Variants in DYNC1I1 observed in about 807,000 individuals in gnomAD.
DYNC1I1 encodes dynein cytoplasmic 1 intermediate chain 1.
Under a neutral mutation model 86.6 loss-of-function variants are expected in DYNC1I1, and 43 were observed. The observed-to-expected ratio is 0.50, with a 90% CI of 0.39 to 0.64. DYNC1I1 has a LOEUF of 0.64. Ranked by LOEUF, DYNC1I1 falls within the 30% of genes least tolerant of loss-of-function variation. The pLI is 0.00. For missense variants in DYNC1I1, 604 were observed against 788.8 expected, an observed-to-expected ratio of 0.77 and a Z score of 2.81; for synonymous variants, 262 against 283.7, an observed-to-expected ratio of 0.92 and a Z score of 0.77.
intron 6 of DYNC1I1, among the ~76,000 whole-genome samples, chr7:95,915,769 T>A (rs955837804): frequency 5.3e-5 from 8 of 152,224 alleles, no homozygotes; most frequent in African/African-American, 1.9e-4. Context: ...ATTTATACGA[T>A]CTAAATTCCC....
At chr7:95,982,522 A>G (rs927568577) in intron 7 of DYNC1I1, among the ~76,000 whole-genome samples, 2 of 152,200 alleles carry the variant, frequency 1.3e-5, no homozygotes, top group African/African-American at 4.8e-5. Flanking sequence ...AAAATTACAT[A>G]GATACCATTT....
At chr7:95,897,070 G>A (rs1257235276) in intron 6 of DYNC1I1, among the ~76,000 whole-genome samples, 1 of 152,170 alleles carries the variant, frequency 6.6e-6, no homozygotes, top group Non-Finnish European at 1.5e-5. Flanking sequence ...AGAAAGGAGG[G>A]ATATGCCAGG....
At chr7:95,933,260 A>G (rs1349183236) in intron 6 of DYNC1I1, among the ~76,000 whole-genome samples, 1 of 152,178 alleles carries the variant, frequency 6.6e-6, no homozygotes, top group Admixed American at 6.5e-5. Context: ...TTCATTTGTG[A>G]TAAAATATCA....
At chr7:95,862,472 G>A (rs566087536) in intron 5 of DYNC1I1, among the ~76,000 whole-genome samples, 4 of 152,206 alleles carry the variant, frequency 2.6e-5, no homozygotes, top group South Asian at 2.1e-4. Flanking sequence ...ATCATTAGCC[G>A]TCAGAGAAAC....
At chr7:95,971,283 G>A (rs1047094824) in intron 6 of DYNC1I1, among the ~76,000 whole-genome samples, 13 of 152,212 alleles carry the variant, frequency 8.5e-5, no homozygotes, top group Admixed American at 4.6e-4. Context: ...AAGGCATTAC[G>A]CAAAAAGATG....
At chr7:96,086,245 A>G (rs1790677384) in intron 16 of DYNC1I1, among the ~76,000 whole-genome samples, 1 of 152,186 alleles carries the variant, frequency 6.6e-6, no homozygotes, top group South Asian at 2.1e-4. Context: ...ATTAGTTAGA[A>G]TGCTGTTTGC....
intron 6 of DYNC1I1, among the ~76,000 whole-genome samples, chr7:95,871,502 T>C (rs1426800943): frequency 6.6e-6 from 1 of 152,220 alleles, no homozygotes; most frequent in African/African-American, 2.4e-5. Flanking sequence ...TGACTTAATT[T>C]GCTGCCAGAG....
chr7:96,098,325 C>T lies in DYNC1I1; in HGVS notation c.*732C>T. The T allele has an allele frequency of 1.0e-6, 1 of 985,806 alleles. No individual in the cohort carries two copies. The allele number at this position is 985,806 out of a possible 1,614,324, so 61.1% of individuals were successfully genotyped here. On this transcript the variant is annotated 3_prime_UTR_variant, in exon 17 of 17. Coordinates refer to ENST00000447467, the MANE Select transcript of DYNC1I1 (RefSeq NM_001135556.2). ...GGTACTTTAACAATATTTCAAATAT[C>T]ATTGACCACTAATACTTCTCACTGA...
At chr7:95,982,612 G>A (rs1265881031) in intron 7 of DYNC1I1, among the ~76,000 whole-genome samples, 1 of 152,082 alleles carries the variant, frequency 6.6e-6, no homozygotes, top group Middle Eastern at 3.2e-3. Flanking sequence ...AGACTAGAAA[G>A]ATTTTTTAAT....
intron 14 of DYNC1I1, among the ~76,000 whole-genome samples, chr7:96,042,904 G>A (rs1050506880): frequency 6.6e-6 from 1 of 152,138 alleles, no homozygotes; most frequent in South Asian, 2.1e-4. Context: ...GCTCACACCT[G>A]TGATCCCAGC....
chr7:95,997,372 C>T lies in DYNC1I1; in HGVS notation c.969+1299C>T, dbSNP rs1325606741. On this transcript the variant is annotated intron_variant, in intron 10 of 16. Transcript: ENST00000447467. The stretch of plus-strand genomic sequence containing the variant: ...TAAAGAGAAGCACATTTTTGAAAAA[C>T]AGTGCCTTTTAAATTATTTTGATAT... Among the ~76,000 whole-genome samples the T allele has an allele frequency of 3.9e-5, 6 of 152,022 alleles. No homozygotes were observed. The East Asian group carries it at 9.6e-4, about 24-fold the overall frequency.
intron 6 of DYNC1I1, among the ~76,000 whole-genome samples, chr7:95,955,233 GCCCACGATAAAAATACACAC>G (rs1792678893): frequency 6.6e-6 from 1 of 151,972 alleles, no homozygotes; most frequent in Admixed American, 6.6e-5. Flanking sequence ...ATACCATGTT[GCCCACGATAAAAATACACAC>G]TTTGTCATTT....
intron 10 of DYNC1I1, among the ~76,000 whole-genome samples, chr7:96,020,628 A>G (rs1794523190): frequency 6.6e-6 from 1 of 152,152 alleles, no homozygotes; most frequent in Non-Finnish European, 1.5e-5. Flanking sequence ...ATAGAACTAC[A>G]TTATGATCTT....
intron 6 of DYNC1I1, among the ~76,000 whole-genome samples, chr7:95,875,558 C>G (rs534430423): frequency 6.6e-6 from 1 of 152,158 alleles, no homozygotes; most frequent in Non-Finnish European, 1.5e-5. Context: ...ATAGAGTCCC[C>G]CTCTCATCTG....
chr7:95,842,410 C>T (rs1278668524), intron 5 of DYNC1I1, among the ~76,000 whole-genome samples: 3 of 152,052 alleles, frequency 2.0e-5, no homozygotes, highest in Admixed American at 6.5e-5. Context: ...GTTCCAGGTG[C>T]GGGGGCTTTA....
intron 6 of DYNC1I1, among the ~76,000 whole-genome samples, chr7:95,920,894 A>T (rs1220150424): frequency 6.6e-6 from 1 of 152,180 alleles, no homozygotes; most frequent in Non-Finnish European, 1.5e-5. Context: ...CCAAAGTATG[A>T]GAAAGTTCAT....
At chr7:95,931,350 A>G (rs1379865587) in intron 6 of DYNC1I1, among the ~76,000 whole-genome samples, 4 of 152,128 alleles carry the variant, frequency 2.6e-5, no homozygotes, top group African/African-American at 9.7e-5. Context: ...GGGTTTCGCC[A>G]TGTTGGCCAG....
chr7:96,034,135 G>A lies in DYNC1I1; in HGVS notation c.1230+1355G>A, dbSNP rs114235346. ...AAAATACGGATGTAAAGAATACTAC[G>A]TTTTTTTAAAATAATTTTAGGGAGA... is the stretch of plus-strand genomic sequence containing the variant. On this transcript the variant is annotated intron_variant, in intron 12 of 16. Coordinates refer to ENST00000447467, the MANE Select transcript of DYNC1I1 (RefSeq NM_001135556.2). Among the ~76,000 whole-genome samples the A allele has an allele frequency of 7.1e-3, 1,080 of 152,014 alleles. 9 individuals carry two copies. The highest frequency in any genetic ancestry group is 0.024 in the African/African-American group (990 of 41,446).
chr7:95,978,824 G>T (rs1318938088), intron 7 of DYNC1I1, among the ~76,000 whole-genome samples: 2 of 151,420 alleles, frequency 1.3e-5, no homozygotes, highest in Non-Finnish European at 2.9e-5. Flanking sequence ...TTGAGACAGA[G>T]TCTCACTCTG....
Sources: allele counts gnomAD v4.1 joint callset (sites outside exome capture counted in the v4.1 genomes callset), GRCh38; gene constraint gnomAD v4.1.1; transcripts MANE v1.5; gene names NCBI Gene and HGNC (gene_info 2026-07-23, HGNC 2026-07-21).